Variants in ST6GALNAC5 observed in about 807,000 individuals in gnomAD.
ST6GALNAC5 encodes ST6 N-acetylgalactosaminide alpha-2,6-sialyltransferase 5.
A neutral mutation model predicts 33.6 loss-of-function variants in ST6GALNAC5; 27 were observed. The observed-to-expected ratio is 0.80, with a 90% confidence interval of 0.59 to 1.11. The LOEUF is 1.11. ST6GALNAC5 is among the 50% of genes least tolerant of loss of function. The pLI is 0.00. For missense variants in ST6GALNAC5, 428 were observed against 454.0 expected (o/e 0.94, Z 0.52); for synonymous variants, 194 against 171.2 (o/e 1.13, Z -1.04).
chr1:76,999,802 C>G (rs536514715), intron 2 of ST6GALNAC5, among the ~76,000 whole-genome samples: 161 of 143,090 alleles, frequency 1.1e-3, no homozygotes, highest in African/African-American at 3.8e-3. Context: ...CATCCATGTC[C>G]CTACAAAGGA....
rs1570149344 is a variant in ST6GALNAC5 at position 77,059,313 on chromosome 1, A to G, written c.780-3662A>G. ...ACGAATCCAGGTTCCCTTTGCATTT[A>G]TTTATCAGGTGTCCTCAGTCTCTAA... On this transcript the variant is annotated intron_variant, in intron 4 of 4. Coordinates refer to ENST00000477717, the MANE Select transcript of ST6GALNAC5 (RefSeq NM_030965.3). Among the ~76,000 whole-genome samples, 3 of 152,216 alleles carry G rather than the reference A, an allele frequency of 2.0e-5. 1 individual carries two copies. The highest frequency in any genetic ancestry group is 2.0e-4 in the Admixed American group (3 of 15,294).
chr1:76,892,907 G>T (rs1468669005), intron 2 of ST6GALNAC5, among the ~76,000 whole-genome samples: 1 of 152,156 alleles, frequency 6.6e-6, no homozygotes, highest in Non-Finnish European at 1.5e-5. Flanking sequence ...GCCTCTAGCT[G>T]CTGGTAGTTC....
At chr1:76,895,532 T>C (rs1000427363) in intron 2 of ST6GALNAC5, among the ~76,000 whole-genome samples, 6 of 152,172 alleles carry the variant, frequency 3.9e-5, no homozygotes, top group African/African-American at 1.4e-4. Context: ...AAAACAGGTA[T>C]AAAAGGTCTA....
chr1:76,982,648 G>T (rs1019940544), intron 2 of ST6GALNAC5, among the ~76,000 whole-genome samples: 1 of 152,022 alleles, frequency 6.6e-6, no homozygotes, highest in African/African-American at 2.4e-5. Context: ...ATTCAAATTC[G>T]GGAAATACAG....
At chr1:76,990,800 A>G (rs1205754448) in intron 2 of ST6GALNAC5, among the ~76,000 whole-genome samples, 1 of 152,216 alleles carries the variant, frequency 6.6e-6, no homozygotes, top group Non-Finnish European at 1.5e-5. Context: ...AATTCATCCT[A>G]TGCTAATATG....
intron 2 of ST6GALNAC5, among the ~76,000 whole-genome samples, chr1:76,996,662 G>A (rs1649949760): frequency 6.6e-6 from 1 of 152,166 alleles, no homozygotes; most frequent in East Asian, 1.9e-4. Flanking sequence ...GAGGCCAGGA[G>A]GCTTAAATTT....
rs149674366 is a variant in ST6GALNAC5, at chr1:76,947,185, G to T, written c.261+78443G>T. Among the ~76,000 whole-genome samples, 37 of 151,992 alleles carry T rather than the reference G, an allele frequency of 2.4e-4. 1 individual carries two copies. The highest frequency in any genetic ancestry group is 8.9e-4 in the African/African-American group (37 of 41,462). On this transcript the variant is annotated intron_variant, in intron 2 of 4. Transcript: ENST00000477717. Reference sequence around the variant, plus strand: ...AGGGTGAATATGTTTTATACATCTAGGTCAATGATAATACAAAGAATGCTA... The same window carrying T: ...AGGGTGAATATGTTTTATACATCTATGTCAATGATAATACAAAGAATGCTA...
At chr1:76,907,885 T>C (rs909954651) in intron 2 of ST6GALNAC5, among the ~76,000 whole-genome samples, 8 of 152,174 alleles carry the variant, frequency 5.3e-5, no homozygotes, top group African/African-American at 1.9e-4. Flanking sequence ...GTTCATGGTT[T>C]CATATACTGT....
At chr1:76,916,286 C>A (rs1475131316) in intron 2 of ST6GALNAC5, among the ~76,000 whole-genome samples, 1 of 152,056 alleles carries the variant, frequency 6.6e-6, no homozygotes, top group Non-Finnish European at 1.5e-5. Context: ...GCCTTTGTCT[C>A]CAAAGGACTC....
chr1:76,982,276 G>A (rs1394262599), intron 2 of ST6GALNAC5, among the ~76,000 whole-genome samples: 2 of 152,168 alleles, frequency 1.3e-5, no homozygotes, highest in Non-Finnish European at 2.9e-5. Flanking sequence ...AAAAAGATTA[G>A]ATGAATGGCT....
chr1:76,901,581 A>AAGAAG (rs1158589153), intron 2 of ST6GALNAC5, among the ~76,000 whole-genome samples: 1 of 152,214 alleles, frequency 6.6e-6, no homozygotes, highest in Non-Finnish European at 1.5e-5. Flanking sequence ...ATAAATAGCA[A>AAGAAG]AGAAGAGAAC....
chr1:76,896,984 AGTT>A (rs771912697), intron 2 of ST6GALNAC5, among the ~76,000 whole-genome samples: 4 of 151,938 alleles, frequency 2.6e-5, no homozygotes, highest in Admixed American at 6.6e-5. Context: ...GAAGGAAAGG[AGTT>A]GTTGTTTTGT....
intron 2 of ST6GALNAC5, among the ~76,000 whole-genome samples, chr1:76,956,735 C>A (rs1416326341): frequency 6.6e-6 from 1 of 152,204 alleles, no homozygotes. Context: ...CCATGACCTG[C>A]CAATACAACT....
chr1:76,953,534 A>C (rs962218056), intron 2 of ST6GALNAC5, among the ~76,000 whole-genome samples: 1 of 152,012 alleles, frequency 6.6e-6, no homozygotes, highest in Non-Finnish European at 1.5e-5. Flanking sequence ...TTGTTTCTTT[A>C]CTATACAGTT....
At chr1:76,951,174 G>A (rs940995187) in intron 2 of ST6GALNAC5, among the ~76,000 whole-genome samples, 1 of 152,050 alleles carries the variant, frequency 6.6e-6, no homozygotes, top group African/African-American at 2.4e-5. Flanking sequence ...ACAAACCACG[G>A]ATCAAATCAG....
At chr1:77,040,840 C>T (rs941927468) in intron 2 of ST6GALNAC5, among the ~76,000 whole-genome samples, 53 of 152,152 alleles carry the variant, frequency 3.5e-4, no homozygotes, top group Admixed American at 1.1e-3. Flanking sequence ...ACAAAGTAAC[C>T]TTATTAAGCA....
chr1:76,951,081 T>G (rs1422800361), intron 2 of ST6GALNAC5, among the ~76,000 whole-genome samples: 1 of 152,094 alleles, frequency 6.6e-6, no homozygotes, highest in African/African-American at 2.4e-5. Flanking sequence ...AGTCTCTTTG[T>G]GAGGGAAACC....
At chr1:76,965,098 T>C (rs994744703) in intron 2 of ST6GALNAC5, among the ~76,000 whole-genome samples, 10 of 152,198 alleles carry the variant, frequency 6.6e-5, no homozygotes, top group African/African-American at 2.4e-4. Flanking sequence ...AGTAGCATGA[T>C]TTATAATCCT....
At chr1:76,995,438 C>G (rs1649894029) in intron 2 of ST6GALNAC5, 1 of 152,170 alleles carries the variant, frequency 6.6e-6, no homozygotes, top group Non-Finnish European at 1.5e-5. Flanking sequence ...CATTGAAAGG[C>G]AGGAAGTCTG....
Sources: allele counts gnomAD v4.1 joint callset (sites outside exome capture counted in the v4.1 genomes callset), GRCh38; gene constraint gnomAD v4.1.1; transcripts MANE v1.5; gene names NCBI Gene and HGNC (gene_info 2026-07-23, HGNC 2026-07-21).